CAMK1D: variants seen among roughly 807,000 people sequenced by gnomAD.
The protein encoded by CAMK1D is calcium/calmodulin-dependent protein kinase type 1D.
In CAMK1D, 9 loss-of-function variants were observed where a neutral mutation model predicts 47.7. That is an observed-to-expected ratio of 0.19 (90% CI 0.11 to 0.33). The LOEUF is 0.33. Ranked by LOEUF, CAMK1D falls within the 10% of genes least tolerant of loss-of-function variation. The pLI is 1.00. For synonymous variants in CAMK1D, 184 were observed against 184.9 expected, an observed-to-expected ratio of 0.99 and a Z score of 0.04; for missense variants, 291 against 488.7, an observed-to-expected ratio of 0.60 and a Z score of 3.81.
intron 3 of CAMK1D, among the ~76,000 whole-genome samples, chr10:12,675,264 A>G (rs756699493): frequency 2.4e-4 from 37 of 152,152 alleles, no homozygotes; most frequent in Non-Finnish European, 4.7e-4. Context: ...GTAACTCCTC[A>G]ATTTGTATCT....
At chr10:12,374,415 G>A (rs762990044) in intron 1 of CAMK1D, among the ~76,000 whole-genome samples, 1 of 152,052 alleles carries the variant, frequency 6.6e-6, no homozygotes, top group African/African-American at 2.4e-5. Flanking sequence ...CCTAAAACAC[G>A]GTACCGTGTC....
At chr10:12,351,213 TG>T (rs1325185550) in intron 1 of CAMK1D, among the ~76,000 whole-genome samples, 2 of 151,938 alleles carry the variant, frequency 1.3e-5, no homozygotes, top group East Asian at 1.9e-4. Flanking sequence ...AGGACTAGAG[TG>T]GGGTCTCCCT....
At chr10:12,557,951 G>T (rs1215831035) in intron 2 of CAMK1D, among the ~76,000 whole-genome samples, 1 of 152,178 alleles carries the variant, frequency 6.6e-6, no homozygotes, top group Non-Finnish European at 1.5e-5. Context: ...TCTGGAAATT[G>T]TTTCAAAATG....
chr10:12,403,799 A>G (rs1839315964), intron 1 of CAMK1D, among the ~76,000 whole-genome samples: 1 of 151,822 alleles, frequency 6.6e-6, no homozygotes, highest in Non-Finnish European at 1.5e-5. Flanking sequence ...TTTTTCCCCC[A>G]TCAGCATCTC....
intron 2 of CAMK1D, among the ~76,000 whole-genome samples, chr10:12,662,557 CAG>C (rs528675838): frequency 2.0e-5 from 3 of 151,660 alleles, no homozygotes; most frequent in South Asian, 2.1e-4. Flanking sequence ...GAGGCTGAGG[CAG>C]GGGAATGGCA....
At chr10:12,482,430 C>T (rs1177579787) in intron 1 of CAMK1D, among the ~76,000 whole-genome samples, 1 of 152,184 alleles carries the variant, frequency 6.6e-6, no homozygotes, top group Non-Finnish European at 1.5e-5. Context: ...TAACTTTCTT[C>T]CTGCTAAAGA....
intron 3 of CAMK1D, among the ~76,000 whole-genome samples, chr10:12,728,440 G>T (rs1834752861): frequency 6.6e-6 from 1 of 152,162 alleles, no homozygotes; most frequent in Non-Finnish European, 1.5e-5. Context: ...GGGAGTAATT[G>T]GCCACTACAG....
At chr10:12,739,839 A>G (rs1315187563) in intron 3 of CAMK1D, among the ~76,000 whole-genome samples, 3 of 152,096 alleles carry the variant, frequency 2.0e-5, no homozygotes, top group Non-Finnish European at 4.4e-5. Flanking sequence ...CCATCGAATC[A>G]TTTTTCCTTC....
chr10:12,392,372 C>T (rs539037584), intron 1 of CAMK1D, among the ~76,000 whole-genome samples: 122 of 152,170 alleles, frequency 8.0e-4, no homozygotes, highest in African/African-American at 2.9e-3. Flanking sequence ...CTCCTTCCCT[C>T]TCCCCCCAGC....
At chr10:12,359,524 G>GTTTTT (rs113839973) in intron 1 of CAMK1D, among the ~76,000 whole-genome samples, 1 of 144,448 alleles carries the variant, frequency 6.9e-6, no homozygotes, top group African/African-American at 2.5e-5. Flanking sequence ...TAGCTTCTCG[G>GTTTTT]TTTTTTTTTT....
intron 2 of CAMK1D, among the ~76,000 whole-genome samples, chr10:12,623,218 TC>T (rs1167147112): frequency 1.4e-3 from 1 of 708 alleles, no homozygotes; most frequent in African/African-American, 4.0e-3. Context: ...CTTTCCTCCC[TC>T]CCTCCCTCCC....
At chr10:12,677,570 TG>T (rs1285140114) in intron 3 of CAMK1D, among the ~76,000 whole-genome samples, 1 of 151,890 alleles carries the variant, frequency 6.6e-6, no homozygotes, top group Non-Finnish European at 1.5e-5. Flanking sequence ...ACACCTTAAA[TG>T]GAGGGTGATT....
At chr10:12,359,567 G>T (rs1837604077) in intron 1 of CAMK1D, among the ~76,000 whole-genome samples, 1 of 151,536 alleles carries the variant, frequency 6.6e-6, no homozygotes, top group Non-Finnish European at 1.5e-5. Context: ...CCCTTAGCTG[G>T]TTTTAAAAAA....
intron 1 of CAMK1D, among the ~76,000 whole-genome samples, chr10:12,350,599 G>GC (rs1837325742): frequency 6.6e-6 from 1 of 152,240 alleles, no homozygotes; most frequent in Non-Finnish European, 1.5e-5. Context: ...CGAGTCCCAT[G>GC]CTGATGGCTG....
chr10:12,400,959 C>T (rs994013521), intron 1 of CAMK1D, among the ~76,000 whole-genome samples: 1 of 144,406 alleles, frequency 6.9e-6, no homozygotes, highest in Admixed American at 7.6e-5. Flanking sequence ...CTCTACAAAA[C>T]CAGAAAAACA....
At chr10:12,523,941 C>T (rs9423878) in intron 1 of CAMK1D, among the ~76,000 whole-genome samples, 2,840 of 151,904 alleles carry the variant, frequency 0.019, 89 homozygotes, top group African/African-American at 0.065. Context: ...CGCTCTGTTG[C>T]CCAGGCTTGG....
intron 3 of CAMK1D, among the ~76,000 whole-genome samples, chr10:12,759,403 C>G (rs922755605): frequency 5.9e-5 from 9 of 152,146 alleles, no homozygotes; most frequent in African/African-American, 1.7e-4. Context: ...TCACCTTGTC[C>G]CTAACAGCAG....
intron 6 of CAMK1D, among the ~76,000 whole-genome samples, chr10:12,807,528 C>T (rs1435416647): frequency 6.6e-6 from 1 of 152,186 alleles, no homozygotes; most frequent in African/African-American, 2.4e-5. Flanking sequence ...GCTGCCCTCT[C>T]TCCTCCTCAC....
intron 1 of CAMK1D, among the ~76,000 whole-genome samples, chr10:12,485,103 A>G (rs1318104306): frequency 1.3e-5 from 2 of 152,222 alleles, no homozygotes; most frequent in Non-Finnish European, 2.9e-5. Context: ...ACCGCTCCCC[A>G]TACGGGTATT....
Sources: allele counts gnomAD v4.1 joint callset (sites outside exome capture counted in the v4.1 genomes callset), GRCh38; gene constraint gnomAD v4.1.1; transcripts MANE v1.5; gene names NCBI Gene and HGNC (gene_info 2026-07-23, HGNC 2026-07-21).